Variants in NOL9 observed in about 807,000 individuals in gnomAD.
The protein encoded by NOL9 is nucleolar protein 9.
In NOL9, 28 loss-of-function variants were observed where a neutral mutation model predicts 67.9. The ratio of observed to expected loss-of-function variants is 0.41; its 90% CI spans 0.31 to 0.57. NOL9 has a LOEUF of 0.57. NOL9 is among the 20% of genes least tolerant of loss of function. The pLI, the probability that NOL9 is intolerant of heterozygous loss-of-function variation, is 0.25. For synonymous variants in NOL9, 356 were observed against 352.2 expected (o/e 1.01, Z -0.12); for missense variants, 777 against 897.0 (o/e 0.87, Z 1.71).
At chr1:6,553,996 C>A in intron 1 of NOL9, 111 bp downstream of exon 1, 1 of 863,572 alleles carries the variant, frequency 1.2e-6, no homozygotes, top group Non-Finnish European at 1.7e-6. Flanking sequence ...CGACTGGCAG[C>A]CAGAGAACAG....
At chr1:6,532,138 C>T (rs1639043335) in intron 8 of NOL9, 59 bp from the exon 9 acceptor site, 2 of 1,244,972 alleles carry the variant, frequency 1.6e-6, no homozygotes, top group Admixed American at 1.7e-5. Flanking sequence ...CCACCTCCCA[C>T]ACCTGTCATC....
intron 9 of NOL9, among the ~76,000 whole-genome samples, chr1:6,531,233 A>G (rs1243925374): frequency 6.6e-6 from 1 of 151,504 alleles, no homozygotes; most frequent in African/African-American, 2.4e-5. Flanking sequence ...TTTTCTTTTA[A>G]GTCGGCATCT....
chr1:6,547,306 C>G (rs1639440163), intron 3 of NOL9, among the ~76,000 whole-genome samples: 1 of 152,082 alleles, frequency 6.6e-6, no homozygotes. Context: ...CCAGGCATCT[C>G]AAGGTTAACA....
At chr1:6,552,544 T>G (rs1369493558) in intron 1 of NOL9, among the ~76,000 whole-genome samples, 2 of 151,922 alleles carry the variant, frequency 1.3e-5, no homozygotes, top group East Asian at 3.9e-4. Context: ...TGCCTCTGCC[T>G]CCAGAGTAGC....
rs780890100 is a variant in NOL9, at chr1:6,541,839, G to C, written c.1066C>G (p.Pro356Ala). Residue 356 changes from proline (P) to alanine (A), a missense_variant, in exon 6 of 12, where the codon CCA (proline) becomes GCA (alanine). Coordinates refer to ENST00000377705, the MANE Select transcript of NOL9 (RefSeq NM_024654.5). Reference sequence around the variant, plus strand: ...AATATGTAATACATACCCAGAACTGGTTCTGTAATATTAAGCAAAGAAATG... The same window carrying C: ...AATATGTAATACATACCCAGAACTGCTTCTGTAATATTAAGCAAAGAAATG... ...GCISLLNITE[P>A]VLGPPFTHLR... The C allele has an allele frequency of 1.0e-5, 16 of 1,593,028 alleles. No individual in the cohort carries two copies. The East Asian group carries it at 3.6e-4, about 36-fold the overall frequency.
At chr1:6,550,125 G>A (rs1332526521) in intron 2 of NOL9, among the ~76,000 whole-genome samples, 3 of 151,952 alleles carry the variant, frequency 2.0e-5, no homozygotes, top group Admixed American at 1.3e-4. Context: ...TCCGCCTCCC[G>A]GGTTCAAGCG....
Position 6,525,981 on chromosome 1 carries a change from G to C in NOL9, c.1982C>G (p.Pro661Arg). The C allele has an allele frequency of 6.2e-7, 1 of 1,613,932 alleles. No homozygotes were observed. Among genetic ancestry groups the C allele is most frequent in the South Asian group, 1.1e-5 (1 of 91,074 alleles). Reference sequence around the variant, plus strand: ...AAAATTGTAATCCGTTGTGACATAAGGTACTGTCCCTTCGATCCCACGCTG... The same window carrying C: ...AAAATTGTAATCCGTTGTGACATAACGTACTGTCCCTTCGATCCCACGCTG... ...KCQRGIEGTVPYVTTDYNFKL... is the reference protein window; with the variant it reads ...KCQRGIEGTVRYVTTDYNFKL... Residue 661 changes from proline to arginine, a missense_variant, in exon 12 of 12, where the codon CCT (proline) becomes CGT (arginine). Physicochemically the swap from Pro to Arg is moderately radical, Grantham distance 103. Transcript: ENST00000377705.
chr1:6,549,642 C>G lies in NOL9; in HGVS notation c.673G>C (p.Glu225Gln). 6.2e-7 allele frequency: 1 copy of G among 1,614,150 alleles called. No individual in the cohort carries two copies. Among genetic ancestry groups the G allele is most frequent in the Non-Finnish European group, 8.5e-7 (1 of 1,180,026 alleles). Residue 225 changes from glutamate to glutamine, a missense_variant, in exon 3 of 12, where the codon GAA (glutamate) becomes CAA (glutamine). By Grantham distance (29) the Glu-to-Gln change is conservative. This residue lies in a region of NOL9 where 364 missense variants were observed against 344.4 expected (regional missense o/e 1.06). Coordinates refer to ENST00000377705, the MANE Select transcript of NOL9 (RefSeq NM_024654.5). ...FSPQCSIVLL[E>Q]HLKTATVNFI... ...TTTACAGTGGCAGTTTTCAGATGTT[C>G]TAGCAACACAATGGAACACTGAGGA...
intron 9 of NOL9, among the ~76,000 whole-genome samples, chr1:6,529,881 G>A (rs1396325981): frequency 3.9e-5 from 6 of 151,904 alleles, no homozygotes; most frequent in Non-Finnish European, 5.9e-5. Context: ...AACTGAGATC[G>A]TGCCACTGCA....
Position 6,526,744 on chromosome 1 carries a change from A to G in NOL9, c.1911T>C (p.Cys637=). ...VPPEELRTVN[C]LLVGAIAIPH... ...GAATGGCAATAGCTCCAACGAGCAGACAATTCACGGTCCTTAGCTCTTCCG... is the reference window on the plus strand; with the variant it reads ...GAATGGCAATAGCTCCAACGAGCAGGCAATTCACGGTCCTTAGCTCTTCCG... Residue 637 remains cysteine, a synonymous_variant, in exon 11 of 12, where the codon TGT becomes TGC. Transcript: ENST00000377705. 1.2e-6 allele frequency: 2 copies of G among 1,614,004 alleles called. No homozygotes were observed. The highest frequency in any genetic ancestry group is 1.7e-6 in the Non-Finnish European group (2 of 1,179,940).
At chr1:6,536,182 TAA>T (rs35988575) in intron 6 of NOL9, among the ~76,000 whole-genome samples, 121,962 of 151,080 alleles carry the variant, frequency 0.81, 50,043 homozygotes, top group Non-Finnish European at 0.87. Flanking sequence ...CCATCTCTAC[TAA>T]AAATGCAAAA....
At chr1:6,538,855 C>T (rs1454763804) in intron 6 of NOL9, among the ~76,000 whole-genome samples, 1 of 152,002 alleles carries the variant, frequency 6.6e-6, no homozygotes, top group Admixed American at 6.6e-5. Flanking sequence ...TGGTGTAGTT[C>T]CAGCTACTTG....
chr1:6,532,023 A>G lies in NOL9; in HGVS notation c.1592T>C (p.Leu531Pro). 6.2e-7 allele frequency: 1 copy of G among 1,614,212 alleles called. No individual in the cohort carries two copies. Among genetic ancestry groups the G allele is most frequent in the Non-Finnish European group, 8.5e-7 (1 of 1,180,030 alleles). The change falls in exon 9 of 12, where the codon CTG becomes CCG. Residue 531 changes from leucine to proline, a missense_variant. Physicochemically the swap from Leu to Pro is moderately conservative, Grantham distance 98. This residue lies in a region of NOL9 where 413 missense variants were observed against 552.6 expected (regional missense o/e 0.75). Coordinates refer to ENST00000377705, the MANE Select transcript of NOL9 (RefSeq NM_024654.5). Reference sequence around the variant, plus strand: ...AAGTGGTTTGGGCATCGGGGGCTGCAGCTGGCTAAGGTAACTCAAGATGGA... The same window carrying G: ...AAGTGGTTTGGGCATCGGGGGCTGCGGCTGGCTAAGGTAACTCAAGATGGA... ...DLSILSYLSQ[L>P]QPPMPKPLSP... is the part of the protein sequence containing the mutation.
chr1:6,531,464 T>C (rs4908560), intron 9 of NOL9, among the ~76,000 whole-genome samples: 123,186 of 151,960 alleles, frequency 0.81, 50,718 homozygotes, highest in Non-Finnish European at 0.88. Flanking sequence ...CTGCCCGCCT[T>C]GGCCTCCCAA....
chr1:6,532,277 G>T, intron 8 of NOL9, 186 bp downstream of exon 8: 1 of 717,822 alleles, frequency 1.4e-6, no homozygotes, highest in South Asian at 1.9e-5. Flanking sequence ...AGAGGTAGGG[G>T]ACACTTCTGG....
chr1:6,538,859 C>G (rs1413563693), intron 6 of NOL9, among the ~76,000 whole-genome samples: 4 of 152,016 alleles, frequency 2.6e-5, no homozygotes, highest in Non-Finnish European at 5.9e-5. Context: ...GTAGTTCCAG[C>G]TACTTGGGAG....
chr1:6,527,244 CAA>C (rs34234306), intron 10 of NOL9, among the ~76,000 whole-genome samples: 1,121 of 101,556 alleles, frequency 0.011, 11 homozygotes, highest in African/African-American at 0.019. Flanking sequence ...GAGACTGTCT[CAA>C]AAAAAAAAAA....
chr1:6,532,359 G>C, intron 8 of NOL9, 104 bp downstream of exon 8: 3 of 1,061,456 alleles, frequency 2.8e-6, no homozygotes, highest in Admixed American at 2.3e-5. Context: ...CTGTGACAGG[G>C]ACCTGAAGAT....
chr1:6,528,427 G>A (rs1355485737), intron 10 of NOL9, among the ~76,000 whole-genome samples: 2 of 152,206 alleles, frequency 1.3e-5, no homozygotes, highest in African/African-American at 2.4e-5. Flanking sequence ...GAAGAGAGAA[G>A]CCACCAGACC....
Sources: gnomAD v4.1 joint callset for allele counts (sites outside exome capture counted in the v4.1 genomes callset) on GRCh38, gnomAD v4.1.1 for gene constraint, gnomAD v4.1.1 regional missense constraint, MANE v1.5 for transcripts, NCBI Gene and HGNC (gene_info 2026-07-23, HGNC 2026-07-21) for gene names.